The following ATR variants were observed in gnomAD, a reference collection of about 807,000 sequenced individuals.
ATR encodes the protein serine/threonine-protein kinase ATR.
ATR carries 142 observed loss-of-function variants against 305.3 expected under a neutral mutation model. The ratio of observed to expected loss-of-function variants is 0.47; its 90% confidence interval spans 0.41 to 0.53. The LOEUF is 0.53. ATR is among the 20% of genes least tolerant of loss of function. The pLI, the probability that ATR is intolerant of heterozygous loss-of-function variation, is 0.00. For missense variants in ATR, 2,135 were observed against 3,133.1 expected, an observed-to-expected ratio of 0.68 and a Z score of 7.60; for synonymous variants, 1,050 against 1,068.1, an observed-to-expected ratio of 0.98 and a Z score of 0.33.
At position 142,512,250 on chromosome 3, in the gene ATR, G is replaced by C. The variant is rs1470300384; in HGVS notation, c.4852+10C>G. On this transcript the variant is annotated intron_variant, in intron 27 of 46. Transcript: ENST00000350721. ...AAAAAAAAAAAAAAGAAACAGAAGTGATAACTCACCCATTGAGTCTACCTT... is the reference window on the plus strand; with the variant it reads ...AAAAAAAAAAAAAAGAAACAGAAGTCATAACTCACCCATTGAGTCTACCTT... 1 of 1,306,848 alleles carries C rather than the reference G, an allele frequency of 7.7e-7. No homozygotes were observed. Among genetic ancestry groups the C allele is most frequent in the Non-Finnish European group, 1.1e-6 (1 of 910,816 alleles). 81.0% of individuals were successfully genotyped at this position (1,306,848 alleles called of 1,614,324 possible). A position where few individuals can be genotyped will look rare whatever the true frequency, so the allele number is the denominator to read the frequency against.
At chr3:142,540,848 G>C (rs2108437452) in intron 18 of ATR, 56 bp downstream of exon 18, 1 of 1,531,982 alleles carries the variant, frequency 6.5e-7, no homozygotes, top group African/African-American at 1.4e-5. Context: ...ATTCAAGTTA[G>C]TGCTACTGGA....
chr3:142,521,495 A>G (rs1204986582), intron 23 of ATR, among the ~76,000 whole-genome samples: 1 of 152,232 alleles, frequency 6.6e-6, no homozygotes, highest in Non-Finnish European at 1.5e-5. Context: ...CCTCTGATGG[A>G]TCTGGGCAGA....
intron 27 of ATR, among the ~76,000 whole-genome samples, chr3:142,508,724 C>A (rs1320692668): frequency 1.3e-5 from 2 of 151,950 alleles, no homozygotes; most frequent in Non-Finnish European, 2.9e-5. Flanking sequence ...GAGATCGAGA[C>A]CATCCCGGCT....
rs1193437141 is a variant in ATR, at chr3:142,457,629, G to A, written c.7630C>T (p.Arg2544Cys). ...RACEVTMRLM[R>C]DQREPLMSVL... ...CTCATTAAAGGCTCTCGCTGATCAC[G>A]CATCAGCCTCATTGTAACTTCACAT... The change falls in exon 45 of 47, where the codon CGT becomes TGT. Residue 2544 changes from arginine to cysteine, a missense_variant. Coordinates refer to ENST00000350721, the MANE Select transcript of ATR (RefSeq NM_001184.4). 3.1e-6 allele frequency: 5 copies of A among 1,613,928 alleles called. No homozygotes were observed. The highest frequency in any genetic ancestry group is 4.2e-6 in the Non-Finnish European group (5 of 1,179,930).
rs1246324901 is a variant in ATR at position 142,553,331 on chromosome 3, C to T, written c.2701G>A (p.Ala901Thr). The change falls in exon 13 of 47, where the codon GCA becomes ACA. Residue 901 changes from alanine (A) to threonine (T), a missense_variant. By Grantham distance (58) the Ala-to-Thr change is moderately conservative (BLOSUM62 0). This residue lies in a region of ATR where 530 missense variants were observed against 766.8 expected (regional missense o/e 0.69). Transcript: ENST00000350721. ...GTGTATGCTGCTCCAGAGACAGATGCTGACTTGGATAACAAACAATGCAAT... is the reference window on the plus strand; with the variant it reads ...GTGTATGCTGCTCCAGAGACAGATGTTGACTTGGATAACAAACAATGCAAT... Reference protein sequence around the residue: ...HLLHCLLSKSASVSGAAYTEI... With the variant: ...HLLHCLLSKSTSVSGAAYTEI... 3.7e-6 allele frequency: 6 copies of T among 1,613,848 alleles called. No individual in the cohort carries two copies. In the South Asian group the frequency reaches 5.5e-5, roughly 15 times the overall value.
At chr3:142,464,328 T>C (rs980677071) in intron 41 of ATR, among the ~76,000 whole-genome samples, 3 of 152,152 alleles carry the variant, frequency 2.0e-5, no homozygotes, top group Non-Finnish European at 4.4e-5. Context: ...GGTTTCACTA[T>C]ATAGGCCAGG....
At position 142,512,301 on chromosome 3, in the gene ATR, C is replaced by T. The variant is rs756155865; in HGVS notation, c.4811G>A (p.Cys1604Tyr). The T allele has an allele frequency of 6.2e-7, 1 of 1,610,104 alleles. No individual in the cohort carries two copies. Among genetic ancestry groups the T allele is most frequent in the Non-Finnish European group, 8.5e-7 (1 of 1,178,262 alleles). The part of the protein sequence containing the change: ...HKFQALKAEK[C>Y]PHSKSNRNKV... The stretch of plus-strand genomic sequence containing the variant: ...ATTTCTGTTTGATTTGCTGTGTGGA[C>T]ATTTCTCAGCTTTCAGTGCCTGAAA... Residue 1604 changes from cysteine (C) to tyrosine (Y), a missense_variant, in exon 27 of 47, where the codon TGT (cysteine) becomes TAT (tyrosine). Cys to Tyr is a radical substitution (Grantham distance 194, BLOSUM62 -2). Around this residue, in one of 9 missense-constraint regions of ATR, gnomAD observed 202 missense variants for 252.9 expected, o/e 0.80. Coordinates refer to ENST00000350721, the MANE Select transcript of ATR (RefSeq NM_001184.4).
At chr3:142,544,622 A>C (rs1418420836) in intron 16 of ATR, among the ~76,000 whole-genome samples, 19 of 40,648 alleles carry the variant, frequency 4.7e-4, no homozygotes, top group Non-Finnish European at 8.6e-4. Context: ...AGAAAGGAGC[A>C]AAAAAAAAAA....
rs1240626987 is a variant in ATR at position 142,513,531 on chromosome 3, T to C, written c.4611A>G (p.Leu1537=). 1.9e-6 allele frequency: 3 copies of C among 1,613,530 alleles called. No homozygotes were observed. The highest frequency in any genetic ancestry group is 2.2e-5 in the South Asian group (2 of 91,078). ...YLLPHILVYV[L]LGCNQEDQQE... ...GCTGATCTTCTTGATTACAACCCAG[T>C]AAGACATACACCAGAATATGTGGAA... The change falls in exon 26 of 47, where the codon TTA becomes TTG. Residue 1537 remains leucine, a synonymous_variant. Transcript: ENST00000350721.
rs560836109 is a variant in ATR, at chr3:142,547,625, C to T, written c.3357+100G>A. The T allele has an allele frequency of 2.4e-4, 312 of 1,324,018 alleles. 4 individuals carry two copies. In the South Asian group the frequency reaches 3.5e-3, roughly 15 times the overall value. The allele number at this position is 1,324,018 out of a possible 1,614,324, so 82.0% of individuals were successfully genotyped here. ...ACTTAAAATTTAAACAAATGGCTAG[C>T]AGCCAGAAAATGACCAAAAATATGA... On this transcript the variant is annotated intron_variant, in intron 16 of 46. Coordinates refer to ENST00000350721, the MANE Select transcript of ATR (RefSeq NM_001184.4).
At chr3:142,485,575 C>A (rs767964171) in intron 35 of ATR, among the ~76,000 whole-genome samples, 3 of 152,074 alleles carry the variant, frequency 2.0e-5, no homozygotes, top group Non-Finnish European at 2.9e-5. Flanking sequence ...AAAGATACAT[C>A]AAAGTAGTGT....
chr3:142,483,323 G>T (rs2030664374), intron 36 of ATR, among the ~76,000 whole-genome samples: 2 of 151,006 alleles, frequency 1.3e-5, no homozygotes, highest in Admixed American at 6.6e-5. Context: ...GAATGATATT[G>T]TTTCTTAGCA....
intron 40 of ATR, 175 bp from the exon 41 acceptor site, chr3:142,465,415 T>C (rs952973232): frequency 9.2e-6 from 4 of 434,208 alleles, no homozygotes; most frequent in Non-Finnish European, 1.6e-5. Flanking sequence ...ATGAAAAGAA[T>C]GACTGTCTAT....
intron 37 of ATR, 135 bp downstream of exon 37, chr3:142,469,951 T>C: frequency 1.4e-6 from 1 of 692,208 alleles, no homozygotes; most frequent in Non-Finnish European, 2.4e-6. Context: ...TTTAGTATCT[T>C]ACTCACACTT....
chr3:142,488,642 G>T (rs1377544156), intron 35 of ATR, among the ~76,000 whole-genome samples: 1 of 152,130 alleles, frequency 6.6e-6, no homozygotes, highest in East Asian at 1.9e-4. Flanking sequence ...AAAATTAGTG[G>T]AAACACGGTA....
At chr3:142,567,669 G>A (rs2035120091) in intron 2 of ATR, among the ~76,000 whole-genome samples, 1 of 152,110 alleles carries the variant, frequency 6.6e-6, no homozygotes, top group Non-Finnish European at 1.5e-5. Flanking sequence ...ATAGGCACAG[G>A]CATGAACCTA....
At chr3:142,482,179 T>C (rs557932714) in intron 36 of ATR, among the ~76,000 whole-genome samples, 12 of 152,276 alleles carry the variant, frequency 7.9e-5, no homozygotes, top group African/African-American at 2.6e-4. Flanking sequence ...AAATGTTTTA[T>C]GTACTTAAGG....
At chr3:142,520,314 G>A (rs6796437) in intron 23 of ATR, among the ~76,000 whole-genome samples, 5 of 152,028 alleles carry the variant, frequency 3.3e-5, no homozygotes, top group Non-Finnish European at 5.9e-5. Context: ...TGGCCTCTAA[G>A]TATACATATG....
intron 1 of ATR, among the ~76,000 whole-genome samples, chr3:142,571,888 T>A (rs928990383): frequency 6.6e-6 from 1 of 152,048 alleles, no homozygotes; most frequent in Admixed American, 6.5e-5. Flanking sequence ...TGCCTCAGCC[T>A]CCCAAGTAGC....
Sources: allele counts gnomAD v4.1 joint callset (sites outside exome capture counted in the v4.1 genomes callset), GRCh38; gene constraint gnomAD v4.1.1; regional missense constraint gnomAD v4.1.1; transcripts MANE v1.5; gene names NCBI Gene and HGNC (gene_info 2026-07-23, HGNC 2026-07-21).